Variants in SLC35F4 observed in about 807,000 individuals in gnomAD.
SLC35F4 encodes solute carrier family 35 member F4, also known as chromosome 14 open reading frame 36.
Under a neutral mutation model 44.2 loss-of-function variants are expected in SLC35F4, and 24 were observed. That is an observed-to-expected ratio of 0.54 (90% CI 0.39 to 0.76). SLC35F4 has a LOEUF of 0.76. Ranked by LOEUF, SLC35F4 falls within the 30% of genes least tolerant of loss-of-function variation. SLC35F4 has a pLI of 0.00. For synonymous variants in SLC35F4, 238 were observed against 223.6 expected (o/e 1.06, Z -0.57); for missense variants, 562 against 586.1 (o/e 0.96, Z 0.42).
chr14:57,621,388 G>A (rs980281836), intron 1 of SLC35F4, among the ~76,000 whole-genome samples: 2 of 152,034 alleles, frequency 1.3e-5, no homozygotes, highest in Non-Finnish European at 2.9e-5. Flanking sequence ...GAACAAAGCT[G>A]GAGGCAACAC....
intron 4 of SLC35F4, chr14:57,580,576 GT>G: frequency 2.9e-6 from 1 of 346,854 alleles, no homozygotes; most frequent in Non-Finnish European, 5.5e-6. Flanking sequence ...AAATATATAT[GT>G]TTTTAATCCA....
At chr14:57,725,415 A>G (rs951456557) in intron 1 of SLC35F4, among the ~76,000 whole-genome samples, 2 of 152,168 alleles carry the variant, frequency 1.3e-5, no homozygotes, top group African/African-American at 4.8e-5. Flanking sequence ...ATCTTCCAAC[A>G]TGGAAAGGGT....
intron 1 of SLC35F4, among the ~76,000 whole-genome samples, chr14:57,787,623 C>T (rs1481966705): frequency 6.6e-6 from 1 of 152,186 alleles, no homozygotes; most frequent in Non-Finnish European, 1.5e-5. Context: ...TCAAACAAAA[C>T]AATTATCAGC....
intron 1 of SLC35F4, among the ~76,000 whole-genome samples, chr14:57,964,335 G>C (rs1259908551): frequency 2.6e-5 from 4 of 152,010 alleles, no homozygotes; most frequent in African/African-American, 7.2e-5. Context: ...CACCAAAGTA[G>C]GACAGAGGGA....
At chr14:57,945,100 T>C (rs1037712347) in intron 1 of SLC35F4, among the ~76,000 whole-genome samples, 7 of 152,232 alleles carry the variant, frequency 4.6e-5, no homozygotes, top group African/African-American at 1.7e-4. Context: ...TAGTTTACTA[T>C]GGCATGCATA....
chr14:57,740,567 G>T (rs1353711461), intron 1 of SLC35F4, among the ~76,000 whole-genome samples: 1 of 152,146 alleles, frequency 6.6e-6, no homozygotes, highest in African/African-American at 2.4e-5. Context: ...GAAGAAATAA[G>T]ACCTAGTGTT....
chr14:57,706,160 TACTAGTAATAA>T (rs1408264267), intron 1 of SLC35F4, among the ~76,000 whole-genome samples: 4 of 152,224 alleles, frequency 2.6e-5, no homozygotes, highest in Non-Finnish European at 5.9e-5. Context: ...AATGATCGGT[TACTAGTAATAA>T]CTATGCCTGC....
chr14:57,884,932 C>G (rs557586336), intron 1 of SLC35F4, among the ~76,000 whole-genome samples: 15 of 152,240 alleles, frequency 9.9e-5, no homozygotes, highest in South Asian at 8.3e-4. Context: ...ATATCATAAA[C>G]AGTAGGCATA....
chr14:57,675,655 A>C (rs1361133271), intron 1 of SLC35F4, among the ~76,000 whole-genome samples: 1 of 152,016 alleles, frequency 6.6e-6, no homozygotes, highest in African/African-American at 2.4e-5. Context: ...TGGGTTTGTC[A>C]TATATTGCTT....
rs545612359 is a variant in SLC35F4 at position 57,954,775 on chromosome 14, A to G, written n.282+27138T>C. On this transcript the variant is annotated intron_variant and non_coding_transcript_variant, in intron 1 of 1. Coordinates refer to the SLC35F4 transcript ENST00000556568. ...CAATAGTAAGTTCTGAAATTGAGGCAGTAATTAATAGCTTAACAACCAAAA... is the reference window on the plus strand; with the variant it reads ...CAATAGTAAGTTCTGAAATTGAGGCGGTAATTAATAGCTTAACAACCAAAA... 8.5e-5 allele frequency among the ~76,000 whole-genome samples: 13 copies of G among 152,228 alleles called. No homozygotes were observed. The South Asian group carries it at 2.7e-3, about 32-fold the overall frequency.
At chr14:57,978,792 A>G (rs988393210) in intron 1 of SLC35F4, among the ~76,000 whole-genome samples, 2 of 152,224 alleles carry the variant, frequency 1.3e-5, no homozygotes, top group African/African-American at 2.4e-5. Flanking sequence ...GATCCATGAA[A>G]TTGAAAATCA....
rs200578213 is a variant in SLC35F4 at position 57,581,420 on chromosome 14, T to C, written c.601A>G (p.Ile201Val). Residue 201 changes from isoleucine (I) to valine (V), a missense_variant, in exon 4 of 8, where the codon ATT becomes GTT. By Grantham distance (29) the Ile-to-Val change is conservative. Coordinates refer to ENST00000556826, the MANE Select transcript of SLC35F4 (RefSeq NM_001306087.2). ...AGCGTCAGACCATCTTCACCAAAAA[T>C]CCGACTGCATTCCCTAGGAAAGAAA... Reference protein sequence around the residue: ...PMKKFRECSRIFGEDGLTLKL... With the variant: ...PMKKFRECSRVFGEDGLTLKL... The C allele has an allele frequency of 5.3e-5, 85 of 1,610,040 alleles. No homozygotes were observed. In the African/African-American group the frequency reaches 1.1e-3, roughly 20 times the overall value.
chr14:57,892,359 A>G (rs1471937985), intron 1 of SLC35F4, among the ~76,000 whole-genome samples: 1 of 152,188 alleles, frequency 6.6e-6, no homozygotes, highest in African/African-American at 2.4e-5. Context: ...AGCCTCCTAA[A>G]TATCCTTTCC....
chr14:57,800,887 G>A (rs535039872), intron 1 of SLC35F4, among the ~76,000 whole-genome samples: 70 of 152,292 alleles, frequency 4.6e-4, no homozygotes, highest in South Asian at 8.3e-4. Context: ...CTGAACCTAT[G>A]ACTGATTGGG....
At chr14:57,749,692 G>T (rs1473669909) in intron 1 of SLC35F4, among the ~76,000 whole-genome samples, 1 of 152,072 alleles carries the variant, frequency 6.6e-6, no homozygotes, top group Non-Finnish European at 1.5e-5. Context: ...AGCCTCCTTT[G>T]GGGACTTATC....
intron 6 of SLC35F4, among the ~76,000 whole-genome samples, chr14:57,567,338 G>A (rs892968685): frequency 2.9e-4 from 44 of 152,304 alleles, no homozygotes; most frequent in African/African-American, 9.9e-4. Context: ...TGTTTCAGGG[G>A]ATAGAGAGAT....
At chr14:57,689,081 T>C (rs2075149916) in intron 1 of SLC35F4, among the ~76,000 whole-genome samples, 2 of 152,314 alleles carry the variant, frequency 1.3e-5, no homozygotes, top group Middle Eastern at 3.4e-3. Context: ...ATGGTTTTTC[T>C]CTATCCTCTC....
chr14:57,834,804 G>A (rs1376848920), intron 1 of SLC35F4, among the ~76,000 whole-genome samples: 1 of 152,214 alleles, frequency 6.6e-6, no homozygotes, highest in Non-Finnish European at 1.5e-5. Flanking sequence ...CGGATCACCT[G>A]AGGTCAGGAG....
At chr14:57,749,753 C>T (rs1258630517) in intron 1 of SLC35F4, among the ~76,000 whole-genome samples, 1 of 152,080 alleles carries the variant, frequency 6.6e-6, no homozygotes, top group Non-Finnish European at 1.5e-5. Context: ...GTTCTTTCAC[C>T]AAGGTCAGTT....
Sources: gnomAD v4.1 joint callset for allele counts (sites outside exome capture counted in the v4.1 genomes callset) on GRCh38, gnomAD v4.1.1 for gene constraint, MANE v1.5 for transcripts, NCBI Gene and HGNC (gene_info 2026-07-23, HGNC 2026-07-21) for gene names.